The following EHMT2 variants were observed in gnomAD, a reference collection of about 807,000 sequenced individuals.
The protein encoded by EHMT2 is histone-lysine N-methyltransferase EHMT2.
In EHMT2, 59 loss-of-function variants were observed where a neutral mutation model predicts 143.3. That is an observed-to-expected ratio of 0.41 (90% CI 0.33 to 0.51). The LOEUF (loss-of-function observed/expected upper bound fraction) is 0.51. EHMT2 is among the 20% of genes least tolerant of loss of function. The probability of loss-of-function intolerance (pLI) is 0.18; values close to 1 mark genes in which losing one functional copy is unlikely to be tolerated. For missense variants in EHMT2, 1,174 were observed against 1,645.9 expected, an observed-to-expected ratio of 0.71 and a Z score of 4.96; for synonymous variants, 604 against 651.5, an observed-to-expected ratio of 0.93 and a Z score of 1.11.
At position 31,884,249 on chromosome 6, in the gene EHMT2, G is replaced by T. The variant is rs1764504630; in HGVS notation, c.2771+143C>A. On this transcript the variant is annotated intron_variant, in intron 21 of 27. Coordinates refer to ENST00000375537, the Ensembl canonical transcript of EHMT2. The surrounding 1 kb of genome is among the most constrained non-coding windows in gnomAD (Gnocchi z 7.3). ...ATTTGCTGTATCTGGCAACCCTAGT[G>T]GGGAGGGGGCCTGTGGGTGGTTCTG... The T allele has an allele frequency of 1.8e-5, 18 of 981,980 alleles. No individual in the cohort carries two copies. The South Asian group carries it at 2.2e-4, about 12-fold the overall frequency. 60.8% of individuals were successfully genotyped at this position (981,980 alleles called of 1,614,324 possible).
chr6:31,895,222 GT>G (rs1272619874), intron 4 of EHMT2, among the ~76,000 whole-genome samples: 19 of 152,178 alleles, frequency 1.2e-4, no homozygotes, highest in African/African-American at 4.3e-4. Context: ...CCTGACTAGG[GT>G]GCTGCTTCAC....
chr6:31,879,959 T>C (rs894606808), exon 28 of EHMT2: 4 of 1,100,696 alleles, frequency 3.6e-6, no homozygotes, highest in Non-Finnish European at 5.2e-6. Flanking sequence ...TGGTCAGGAA[T>C]GTGTGAAAGG....
chr6:31,880,146 G>A lies in EHMT2; in HGVS notation c.3571C>T (p.Arg1191Cys), dbSNP rs1457177357. The A allele has an allele frequency of 1.9e-6, 3 of 1,612,934 alleles. No homozygotes were observed. Among genetic ancestry groups the A allele is most frequent in the Non-Finnish European group, 1.7e-6 (2 of 1,179,994 alleles). Reference sequence around the variant, plus strand: ...AGCAGCTCAGGGTGTGGGTCCAGGCGGGCCAGACGGCTCTGCTCCAGGGCA... The same window carrying A: ...AGCAGCTCAGGGTGTGGGTCCAGGCAGGCCAGACGGCTCTGCTCCAGGGCA... The change falls in exon 28 of 28, where the codon CGC becomes TGC. Residue 1191 changes from arginine (R) to cysteine (C), a missense_variant. This residue lies in a region of EHMT2 where 42 missense variants were observed against 45.1 expected (regional missense o/e 0.93). Coordinates refer to ENST00000375537, the Ensembl canonical transcript of EHMT2. This position sits in a 1 kb window ranked among gnomAD's most constrained non-coding sequence, Gnocchi z 6.6.
At chr6:31,892,667 G>A (rs1002353804) in intron 6 of EHMT2, 27 bp downstream of exon 6, 5 of 1,612,928 alleles carry the variant, frequency 3.1e-6, no homozygotes, top group Admixed American at 1.7e-5. Context: ...GCCCCCGAGG[G>A]GTAGAGGCTC....
At chr6:31,891,084 A>C (rs1765620496) in intron 7 of EHMT2, among the ~76,000 whole-genome samples, 2 of 151,898 alleles carry the variant, frequency 1.3e-5, no homozygotes, top group African/African-American at 4.8e-5. Flanking sequence ...CTGGAATTAC[A>C]GGCACGTACC....
intron 7 of EHMT2, among the ~76,000 whole-genome samples, chr6:31,892,140 G>A (rs1387379603): frequency 1.3e-5 from 2 of 152,164 alleles, no homozygotes; most frequent in African/African-American, 4.8e-5. Context: ...TACTCGGGAG[G>A]CTGAGGCAGG....
In EHMT2 at chr6:31,883,344, A is replaced by G; in HGVS notation, c.2994+18T>C. The stretch of plus-strand genomic sequence containing the variant: ...AAGGAGGGGCCGGGTGTCTGTGGCC[A>G]AGGCAAGGGGCACGCACCTTGTCAT... On this transcript the variant is annotated intron_variant, in intron 23 of 27. Coordinates refer to ENST00000375537, the Ensembl canonical transcript of EHMT2. This position sits in a 1 kb window ranked among gnomAD's most constrained non-coding sequence, Gnocchi z 5.6. 1 of 1,612,558 alleles carries G rather than the reference A, an allele frequency of 6.2e-7. No individual in the cohort carries two copies. The highest frequency in any genetic ancestry group is 8.5e-7 in the Non-Finnish European group (1 of 1,179,754).
In EHMT2 at chr6:31,884,092, T is replaced by C; in HGVS notation, c.2772-142A>G. 2.2e-6 allele frequency: 2 copies of C among 927,232 alleles called. No individual in the cohort carries two copies. Among genetic ancestry groups the C allele is most frequent in the Non-Finnish European group, 3.1e-6 (2 of 636,436 alleles). 57.4% of individuals were successfully genotyped at this position (927,232 alleles called of 1,614,324 possible). A position where few individuals can be genotyped will look rare whatever the true frequency, so the allele number is the denominator to read the frequency against. ...CCAGGTAAGATGCAGGACAGCGAGT[T>C]AACATAGAATTTTAGATAAACAAGA... is the stretch of plus-strand genomic sequence containing the variant. On this transcript the variant is annotated intron_variant, in intron 21 of 27. Transcript: ENST00000375537. The surrounding 1 kb of genome is among the most constrained non-coding windows in gnomAD (Gnocchi z 7.3).
Position 31,880,278 on chromosome 6 carries a change from A to G in EHMT2, c.3453-14T>C. 1 of 1,605,160 alleles carries G rather than the reference A, an allele frequency of 6.2e-7. No homozygotes were observed. Among genetic ancestry groups the G allele is most frequent in the Non-Finnish European group, 8.5e-7 (1 of 1,173,656 alleles). On this transcript the variant is annotated splice_polypyrimidine_tract_variant and intron_variant, in intron 27 of 27. Transcript: ENST00000375537. The surrounding 1 kb of genome is among the most constrained non-coding windows in gnomAD (Gnocchi z 6.6). The stretch of plus-strand genomic sequence containing the variant: ...CCATAGTCAAACCTGTCAGAGGAAA[A>G]CAGGAGCTTGTGGGACCTGGACCCA...
In EHMT2 at chr6:31,884,820, C is replaced by A. The variant is rs1468364090; in HGVS notation, c.2449-21G>T. 1 of 1,588,694 alleles carries A rather than the reference C, an allele frequency of 6.3e-7. No individual in the cohort carries two copies. The highest frequency in any genetic ancestry group is 8.6e-7 in the Non-Finnish European group (1 of 1,164,956). ...TCCTCCTGTGGAGGTAGGAGGGGAA[C>A]AGATGAGGTGCAGGCAGCTGGGCCC... On this transcript the variant is annotated intron_variant, in intron 19 of 27. Transcript: ENST00000375537. This position sits in a 1 kb window ranked among gnomAD's most constrained non-coding sequence, Gnocchi z 7.3.
chr6:31,887,192 AG>A (rs1562490983), intron 15 of EHMT2, 91 bp from the exon 16 acceptor site: 4 of 1,107,192 alleles, frequency 3.6e-6, no homozygotes, highest in Non-Finnish European at 5.2e-6. Flanking sequence ...AAGGCTTCTC[AG>A]GGCCCCAAGC....
Position 31,883,226 on chromosome 6 carries a change from G to GCCTTGCCCAGT in EHMT2, c.2994+125_2994+135dup. 1 of 996,754 alleles carries GCCTTGCCCAGT rather than the reference G, an allele frequency of 1.0e-6. No individual in the cohort carries two copies. Among genetic ancestry groups the GCCTTGCCCAGT allele is most frequent in the Non-Finnish European group, 1.5e-6 (1 of 658,614 alleles). The allele number at this position is 996,754 out of a possible 1,614,324, so 61.7% of individuals were successfully genotyped here. On this transcript the variant is annotated intron_variant, in intron 23 of 27. Coordinates refer to ENST00000375537, the Ensembl canonical transcript of EHMT2. The surrounding 1 kb of genome is among the most constrained non-coding windows in gnomAD (Gnocchi z 5.6). ...CCCAGCCACATCCCAGGATTCCCAGGCCTTGCCCAGTCCTCTCAGTCACTT... is the reference window on the plus strand; with the variant it reads ...CCCAGCCACATCCCAGGATTCCCAGGCCTTGCCCAGTCCTTGCCCAGTCCTCTCAGTCACTT...
chr6:31,887,194 G>T, intron 15 of EHMT2, 93 bp from the exon 16 acceptor site: 1 of 1,093,430 alleles, frequency 9.1e-7, no homozygotes, highest in Non-Finnish European at 1.3e-6. Flanking sequence ...GGCTTCTCAG[G>T]GCCCCAAGCT....
chr6:31,887,480 C>T, intron 15 of EHMT2, 97 bp downstream of exon 15: 1 of 1,091,636 alleles, frequency 9.2e-7, no homozygotes, highest in Non-Finnish European at 1.4e-6. Flanking sequence ...AGGGCAAGGA[C>T]TGTGTCCTTC....
chr6:31,892,599 C>T, intron 6 of EHMT2, 37 bp from the exon 7 acceptor site: 1 of 1,612,750 alleles, frequency 6.2e-7, no homozygotes, highest in Non-Finnish European at 8.5e-7. Flanking sequence ...CCACTGACAC[C>T]CTGCGCATTT....
rs140580618 is a variant in EHMT2 at position 31,884,827 on chromosome 6, G to A, written c.2449-28C>T. ...GTGGAGGTAGGAGGGGAACAGATGA[G>A]GTGCAGGCAGCTGGGCCCTTGAATC... is the stretch of plus-strand genomic sequence containing the variant. On this transcript the variant is annotated intron_variant, in intron 19 of 27. Coordinates refer to ENST00000375537, the Ensembl canonical transcript of EHMT2. This position sits in a 1 kb window ranked among gnomAD's most constrained non-coding sequence, Gnocchi z 7.3. 8.4e-3 allele frequency: 13,290 copies of A among 1,583,006 alleles called. 110 individuals are homozygous for A. Among genetic ancestry groups the A allele is most frequent in the Middle Eastern group, 0.025 (149 of 5,930 alleles).
At position 31,883,669 on chromosome 6, in the gene EHMT2, G is replaced by A; in HGVS notation, c.2916+137C>T. On this transcript the variant is annotated intron_variant, in intron 22 of 27. Transcript: ENST00000375537. This position sits in a 1 kb window ranked among gnomAD's most constrained non-coding sequence, Gnocchi z 5.6. The stretch of plus-strand genomic sequence containing the variant: ...CTAGGAAAAGGATCCCTCCCCTGGT[G>A]GGGATGCGACCCCACACCAGGGCTC... 1.6e-6 allele frequency: 2 copies of A among 1,288,540 alleles called. No homozygotes were observed. Among genetic ancestry groups the A allele is most frequent in the East Asian group, 2.3e-5 (1 of 43,022 alleles). 79.8% of individuals were successfully genotyped at this position (1,288,540 alleles called of 1,614,324 possible). A position where few individuals can be genotyped will look rare whatever the true frequency, so the allele number is the denominator to read the frequency against.
chr6:31,880,379 C>T lies in EHMT2; in HGVS notation c.3453-115G>A. On this transcript the variant is annotated intron_variant, in intron 27 of 27. Transcript: ENST00000375537. This position sits in a 1 kb window ranked among gnomAD's most constrained non-coding sequence, Gnocchi z 6.6. ...GACCCGACACCCAACCTATCTTCTCCAGATGGGATCTGAGCCCCTTGTATG... is the reference window on the plus strand; with the variant it reads ...GACCCGACACCCAACCTATCTTCTCTAGATGGGATCTGAGCCCCTTGTATG... 8.3e-7 allele frequency: 1 copy of T among 1,205,328 alleles called. No individual in the cohort carries two copies. The highest frequency in any genetic ancestry group is 1.2e-6 in the Non-Finnish European group (1 of 864,254). The allele number at this position is 1,205,328 out of a possible 1,614,324, so 74.7% of individuals were successfully genotyped here.
chr6:31,884,781 G>A lies in EHMT2; in HGVS notation c.2467C>T (p.His823Tyr), dbSNP rs943939695. 6 of 1,600,298 alleles carry A rather than the reference G, an allele frequency of 3.7e-6. No homozygotes were observed. The highest frequency in any genetic ancestry group is 5.1e-6 in the Non-Finnish European group (6 of 1,173,708). ...GCGCTGCCCGTGAAGGAGGCCCAGT[G>A]CAGGCAGATGTTCTCCTCCTGTGGA... The change falls in exon 20 of 28, where the codon CAC becomes TAC. Residue 823 changes from histidine (H) to tyrosine (Y), a missense_variant. By Grantham distance (83) the His-to-Tyr change is moderately conservative (BLOSUM62 2). Around this residue, in one of 6 missense-constraint regions of EHMT2, gnomAD observed 608 missense variants for 903.7 expected, o/e 0.67. Transcript: ENST00000375537. This position sits in a 1 kb window ranked among gnomAD's most constrained non-coding sequence, Gnocchi z 7.3.
Sources: allele counts gnomAD v4.1 joint callset (sites outside exome capture counted in the v4.1 genomes callset), GRCh38; gene constraint gnomAD v4.1.1; regional missense constraint gnomAD v4.1.1; non-coding constraint Gnocchi (gnomAD v3.1); transcripts MANE v1.5; gene names NCBI Gene and HGNC (gene_info 2026-07-23, HGNC 2026-07-21).